Variants in PARVA observed in about 807,000 individuals in gnomAD.
The protein encoded by PARVA is alpha-parvin.
Under a neutral mutation model 52.6 loss-of-function variants are expected in PARVA, and 25 were observed. The observed-to-expected ratio is 0.48, with a 90% CI of 0.35 to 0.66. PARVA has a LOEUF of 0.66. Among genes scored for constraint, PARVA ranks in the 30% least tolerant of loss-of-function variants. PARVA has a pLI of 0.01. For missense variants in PARVA, 373 were observed against 450.9 expected (o/e 0.83, Z 1.56); for synonymous variants, 185 against 179.1 (o/e 1.03, Z -0.26).
chr11:12,377,174 C>G (rs1173634192), upstream of PARVA: 1 of 251,394 alleles, frequency 4.0e-6, no homozygotes, highest in Non-Finnish European at 7.4e-6. Context: ...AGACGTGGGC[C>G]TGATAACCCC....
chr11:12,492,090 G>A (rs571728317), intron 4 of PARVA, among the ~76,000 whole-genome samples: 15 of 152,310 alleles, frequency 9.8e-5, no homozygotes, highest in East Asian at 5.8e-4. Context: ...GGGTGGTTAC[G>A]TTAATATAGT....
chr11:12,482,010 A>G (rs1941093751), intron 4 of PARVA, among the ~76,000 whole-genome samples: 1 of 151,750 alleles, frequency 6.6e-6, no homozygotes, highest in Non-Finnish European at 1.5e-5. Context: ...TCTCTTCTAA[A>G]TACAAAAAAT....
chr11:12,525,265 A>G (rs1426587), intron 12 of PARVA, among the ~76,000 whole-genome samples: 52,699 of 152,020 alleles, frequency 0.35, 9,310 homozygotes, highest in South Asian at 0.4. Flanking sequence ...CAGCTCCAAG[A>G]GGCCCTGTTT....
At chr11:12,385,924 C>T (rs760367360) in intron 1 of PARVA, among the ~76,000 whole-genome samples, 1 of 152,168 alleles carries the variant, frequency 6.6e-6, no homozygotes, top group African/African-American at 2.4e-5. Flanking sequence ...ATTTTATTCC[C>T]CATGTCTAAT....
chr11:12,396,833 A>T (rs78070996), intron 1 of PARVA, among the ~76,000 whole-genome samples: 2,297 of 152,354 alleles, frequency 0.015, 55 homozygotes, highest in African/African-American at 0.052. Context: ...CCTCTTTCTT[A>T]CTTCCAGGCT....
At chr11:12,408,795 G>A (rs1052742211) in intron 1 of PARVA, among the ~76,000 whole-genome samples, 1 of 152,164 alleles carries the variant, frequency 6.6e-6, no homozygotes, top group African/African-American at 2.4e-5. Context: ...GATAATTTTA[G>A]ATAATAGTGG....
chr11:12,473,676 T>C, intron 1 of PARVA, 69 bp from the exon 2 acceptor site: 1 of 1,168,570 alleles, frequency 8.6e-7, no homozygotes, highest in Non-Finnish European at 1.3e-6. Context: ...TCGAACACCC[T>C]TGTTACAGAG....
In PARVA at chr11:12,393,991, T is replaced by G. The variant is rs117264291; in HGVS notation, c.136+16208T>G. ...TGGATGCTGTTGAAGTCATTGCCTT[T>G]TAGAAAAAGAGAAACAATAAAAACC... On this transcript the variant is annotated intron_variant, in intron 1 of 12. Transcript: ENST00000334956. Among the ~76,000 whole-genome samples, 557 of 152,326 alleles carry G rather than the reference T, an allele frequency of 3.7e-3. 3 individuals are homozygous for G. Among genetic ancestry groups the G allele is most frequent in the Middle Eastern group, 0.014 (4 of 294 alleles).
chr11:12,403,494 G>A (rs748496420), intron 1 of PARVA, among the ~76,000 whole-genome samples: 7 of 152,344 alleles, frequency 4.6e-5, no homozygotes, highest in Non-Finnish European at 1.0e-4. Context: ...GTTCTGATGC[G>A]GTGGGACTCA....
At chr11:12,391,648 C>T (rs1307486220) in intron 1 of PARVA, among the ~76,000 whole-genome samples, 1 of 152,210 alleles carries the variant, frequency 6.6e-6, no homozygotes, top group Non-Finnish European at 1.5e-5. Context: ...GCTACACTTC[C>T]AGCCATGACC....
intron 7 of PARVA, 54 bp downstream of exon 7, chr11:12,508,696 C>T: frequency 7.7e-7 from 1 of 1,295,242 alleles, no homozygotes; most frequent in Non-Finnish European, 1.1e-6. Flanking sequence ...AGATGTTTCT[C>T]TGAAATTCAT....
At chr11:12,437,625 G>A (rs1411395016) in intron 1 of PARVA, among the ~76,000 whole-genome samples, 2 of 152,158 alleles carry the variant, frequency 1.3e-5, no homozygotes, top group African/African-American at 4.8e-5. Flanking sequence ...CTTAGAGAGT[G>A]GATATAGGGA....
intron 1 of PARVA, among the ~76,000 whole-genome samples, chr11:12,382,575 C>T (rs1026887553): frequency 1.3e-5 from 2 of 152,030 alleles, no homozygotes; most frequent in African/African-American, 4.8e-5. Context: ...AAAATGTCCT[C>T]CTAAGGAAAA....
Position 12,496,419 on chromosome 11 carries a change from C to T in PARVA, c.401-39C>T, listed in dbSNP as rs372949637. On this transcript the variant is annotated intron_variant, in intron 4 of 12. Transcript: ENST00000334956. ...GCATGCAGTAGGGTTGTCTGGGGCCCAGCATAACAGCTGTTCTCTTTTCCC... is the reference window on the plus strand; with the variant it reads ...GCATGCAGTAGGGTTGTCTGGGGCCTAGCATAACAGCTGTTCTCTTTTCCC... The T allele has an allele frequency of 4.8e-5, 77 of 1,587,928 alleles. No homozygotes were observed. The African/African-American group carries it at 9.7e-4, about 20-fold the overall frequency.
At chr11:12,402,913 A>T (rs565313913) in intron 1 of PARVA, among the ~76,000 whole-genome samples, 18 of 152,320 alleles carry the variant, frequency 1.2e-4, no homozygotes, top group African/African-American at 4.1e-4. Context: ...AAATCCAAAT[A>T]CATTTTTCTG....
chr11:12,521,034 A>G (rs1941630512), intron 12 of PARVA, among the ~76,000 whole-genome samples: 1 of 152,218 alleles, frequency 6.6e-6, no homozygotes, highest in Non-Finnish European at 1.5e-5. Flanking sequence ...GCACATGTCC[A>G]CCCTGTTATC....
At chr11:12,496,945 T>C (rs1941307057) in intron 5 of PARVA, among the ~76,000 whole-genome samples, 1 of 152,136 alleles carries the variant, frequency 6.6e-6, no homozygotes, top group Non-Finnish European at 1.5e-5. Context: ...TGGAGAGGCT[T>C]GGGAAGCTGA....
At chr11:12,403,111 G>A (rs1250209413) in intron 1 of PARVA, among the ~76,000 whole-genome samples, 6 of 152,210 alleles carry the variant, frequency 3.9e-5, no homozygotes, top group African/African-American at 1.2e-4. Context: ...AGCTCGAAGG[G>A]CCTGTCCCCT....
At chr11:12,504,645 G>A (rs1228872773) in intron 6 of PARVA, among the ~76,000 whole-genome samples, 2 of 152,046 alleles carry the variant, frequency 1.3e-5, no homozygotes, top group Non-Finnish European at 2.9e-5. Flanking sequence ...CTTGTGTATA[G>A]ATAGCTTTGT....
Sources: allele counts gnomAD v4.1 joint callset (sites outside exome capture counted in the v4.1 genomes callset), GRCh38; gene constraint gnomAD v4.1.1; transcripts MANE v1.5; gene names NCBI Gene and HGNC (gene_info 2026-07-23, HGNC 2026-07-21).